Variants in ADCY3 observed in about 807,000 individuals in gnomAD.
The protein encoded by ADCY3 is adenylate cyclase 3.
Under a neutral mutation model 119.4 loss-of-function variants are expected in ADCY3, and 70 were observed. The observed-to-expected ratio is 0.59, with a 90% CI of 0.48 to 0.72. The LOEUF is 0.72. ADCY3 is among the 30% of genes least tolerant of loss of function. The pLI is 0.00. For missense variants in ADCY3, 1,238 were observed against 1,541.6 expected (o/e 0.80, Z 3.30); for synonymous variants, 672 against 621.4 (o/e 1.08, Z -1.21).
In ADCY3 at chr2:24,842,315, C is replaced by T. The variant is rs758732662; in HGVS notation, c.895G>A (p.Glu299Lys). 1.7e-5 allele frequency: 28 copies of T among 1,614,002 alleles called. No homozygotes were observed. Among genetic ancestry groups the T allele is most frequent in the South Asian group, 1.1e-5 (1 of 91,086 alleles). The change falls in exon 4 of 22, where the codon GAG (glutamate) becomes AAG (lysine). Residue 299 changes from glutamate to lysine, a missense_variant. By Grantham distance (56) the Glu-to-Lys change is moderately conservative. Coordinates refer to ENST00000679454, the MANE Select transcript of ADCY3 (RefSeq NM_004036.5). The surrounding 1 kb of genome is among the most constrained non-coding windows in gnomAD (Gnocchi z 4.9). Reference protein sequence around the residue: ...DEMLKDMKKDESQKDQQQFNT... With the variant: ...DEMLKDMKKDKSQKDQQQFNT... ...AACTGCTGCTGGTCCTTCTGGCTCT[C>T]GTCTTTCTTCATGTCTTTCAGCATC... is the stretch of plus-strand genomic sequence containing the variant.
At chr2:24,889,953 T>G (rs957268398) in intron 2 of ADCY3, among the ~76,000 whole-genome samples, 1 of 152,266 alleles carries the variant, frequency 6.6e-6, no homozygotes, top group South Asian at 2.1e-4. Context: ...TTAAATATGA[T>G]GTAGGTTTTG....
At chr2:24,835,478 A>G (rs1011469580) in intron 9 of ADCY3, among the ~76,000 whole-genome samples, 4 of 152,198 alleles carry the variant, frequency 2.6e-5, no homozygotes, top group Non-Finnish European at 5.9e-5. Context: ...GGGTAGGTGG[A>G]GCTGGGGCAC....
chr2:24,882,822 C>T (rs111969545), intron 2 of ADCY3, among the ~76,000 whole-genome samples: 2,344 of 152,008 alleles, frequency 0.015, 39 homozygotes, highest in African/African-American at 0.048. Context: ...TTTGGGAGGC[C>T]GAGGCGGGTG....
chr2:24,823,637 G>A (rs959494873), intron 17 of ADCY3, among the ~76,000 whole-genome samples: 1 of 151,138 alleles, frequency 6.6e-6, no homozygotes, highest in African/African-American at 2.4e-5. Context: ...ATGTCACCAT[G>A]CCCGGCTGTA....
chr2:24,887,158 C>T (rs1383157786), intron 2 of ADCY3, among the ~76,000 whole-genome samples: 3 of 152,180 alleles, frequency 2.0e-5, no homozygotes, highest in Non-Finnish European at 2.9e-5. Flanking sequence ...CAAAACACCT[C>T]CTTCACAAAG....
chr2:24,877,555 G>A (rs1181505666), intron 2 of ADCY3, among the ~76,000 whole-genome samples: 1 of 152,230 alleles, frequency 6.6e-6, no homozygotes, highest in Non-Finnish European at 1.5e-5. Context: ...GAGGAGAGGT[G>A]TGAACAGTTG....
rs1573090232 is a variant in ADCY3 at position 24,919,996 on chromosome 2, G to GGGCCGGCAGGCGCGGGCGGC, written c.-531_-512dup. Among the ~76,000 whole-genome samples, 1 of 148,176 alleles carries GGGCCGGCAGGCGCGGGCGGC rather than the reference G, an allele frequency of 6.7e-6. No homozygotes were observed. Among genetic ancestry groups the GGGCCGGCAGGCGCGGGCGGC allele is most frequent in the East Asian group, 1.9e-4 (1 of 5,132 alleles). The stretch of plus-strand genomic sequence containing the variant: ...AGGCTCAGGGGCAGGGGCCGTGCGG[G>GGGCCGGCAGGCGCGGGCGGC]GGCCGGCAGGCGCGGGCGGCGGCGA... On this transcript the variant is annotated 5_prime_UTR_variant, in exon 1 of 22. Transcript: ENST00000679454. This position sits in a 1 kb window ranked among gnomAD's most constrained non-coding sequence, Gnocchi z 5.5.
chr2:24,862,462 CG>C (rs765132473), intron 3 of ADCY3, among the ~76,000 whole-genome samples: 3 of 151,732 alleles, frequency 2.0e-5, no homozygotes, highest in Non-Finnish European at 4.4e-5. Context: ...AGGAGAATGG[CG>C]TGAACCCGGA....
chr2:24,903,016 G>A (rs1399472508), intron 2 of ADCY3, among the ~76,000 whole-genome samples: 5 of 152,010 alleles, frequency 3.3e-5, no homozygotes, highest in South Asian at 2.1e-4. Flanking sequence ...GTGTGGTGGC[G>A]GGCGCCTATA....
At chr2:24,843,916 C>G (rs1266570684) in intron 3 of ADCY3, among the ~76,000 whole-genome samples, 3 of 152,162 alleles carry the variant, frequency 2.0e-5, no homozygotes, top group African/African-American at 7.2e-5. Flanking sequence ...GAGCACTGCC[C>G]CCATCCCTGA....
rs1036595780 is a variant in ADCY3, at chr2:24,842,520, C to G, written c.826-136G>C. On this transcript the variant is annotated intron_variant, in intron 3 of 21. Coordinates refer to ENST00000679454, the MANE Select transcript of ADCY3 (RefSeq NM_004036.5). This position sits in a 1 kb window ranked among gnomAD's most constrained non-coding sequence, Gnocchi z 4.9. ...CATGCTGCCCTCCAGAGAGACCTCA[C>G]AGATCTGCCTCGGGAGCAGCCAGGG... 6 of 1,190,066 alleles carry G rather than the reference C, an allele frequency of 5.0e-6. No individual in the cohort carries two copies. In the African/African-American group the frequency reaches 7.6e-5, roughly 15 times the overall value. 73.7% of individuals were successfully genotyped at this position (1,190,066 alleles called of 1,614,324 possible).
chr2:24,831,964 A>G (rs1572824207), intron 11 of ADCY3, among the ~76,000 whole-genome samples: 1 of 88,966 alleles, frequency 1.1e-5, no homozygotes, highest in Non-Finnish European at 2.2e-5. Flanking sequence ...GGCAGGGGCC[A>G]GGGGGCAGCG....
intron 2 of ADCY3, among the ~76,000 whole-genome samples, chr2:24,892,909 C>T (rs1436894779): frequency 6.6e-6 from 1 of 151,834 alleles, no homozygotes; most frequent in Non-Finnish European, 1.5e-5. Context: ...AGTGATCCGC[C>T]CACCTTGGCC....
intron 6 of ADCY3, chr2:24,840,550 CG>C (rs1457423096): frequency 2.1e-6 from 1 of 468,280 alleles, no homozygotes; most frequent in Non-Finnish European, 4.4e-6. Context: ...AATGCAAAGC[CG>C]CCCCCTCGGA....
intron 2 of ADCY3, among the ~76,000 whole-genome samples, chr2:24,892,147 C>G (rs1290571353): frequency 6.6e-6 from 1 of 151,940 alleles, no homozygotes; most frequent in Non-Finnish European, 1.5e-5. Flanking sequence ...CATGTGTTTC[C>G]AAATATTTTG....
At chr2:24,849,083 G>A (rs1671992326) in intron 3 of ADCY3, among the ~76,000 whole-genome samples, 1 of 152,186 alleles carries the variant, frequency 6.6e-6, no homozygotes. Flanking sequence ...GTTTAAGAAC[G>A]TCACAGCACC....
chr2:24,842,402 G>T lies in ADCY3; in HGVS notation c.826-18C>A. 1 of 1,613,988 alleles carries T rather than the reference G, an allele frequency of 6.2e-7. No homozygotes were observed. The highest frequency in any genetic ancestry group is 8.5e-7 in the Non-Finnish European group (1 of 1,179,936). ...AGGTTCTCCTGTGAGGGGCAGGAGAGGGTCAGAGGCAAAGGTAGGCCCTGC... is the reference window on the plus strand; with the variant it reads ...AGGTTCTCCTGTGAGGGGCAGGAGATGGTCAGAGGCAAAGGTAGGCCCTGC... On this transcript the variant is annotated intron_variant, in intron 3 of 21. Transcript: ENST00000679454. The surrounding 1 kb of genome is among the most constrained non-coding windows in gnomAD (Gnocchi z 4.9).
intron 19 of ADCY3, chr2:24,821,880 T>G: frequency 2.0e-6 from 1 of 503,894 alleles, no homozygotes; most frequent in South Asian, 2.7e-5. Flanking sequence ...CCTGTGAGTC[T>G]GACCACGAGG....
intron 3 of ADCY3, among the ~76,000 whole-genome samples, chr2:24,864,529 T>C (rs1400793521): frequency 6.6e-6 from 1 of 152,162 alleles, no homozygotes; most frequent in Non-Finnish European, 1.5e-5. Flanking sequence ...TGCAAGGAGA[T>C]ATCAGCCTTA....
Sources: gnomAD v4.1 joint callset for allele counts (sites outside exome capture counted in the v4.1 genomes callset) on GRCh38, gnomAD v4.1.1 for gene constraint, Gnocchi (gnomAD v3.1) non-coding constraint, MANE v1.5 for transcripts, NCBI Gene and HGNC (gene_info 2026-07-23, HGNC 2026-07-21) for gene names.